The following METTL22 variants were observed in gnomAD, a reference collection of about 807,000 sequenced individuals.
The protein encoded by METTL22 is methyltransferase 22, Kin17 lysine, also known as methyltransferase-like protein 22.
METTL22 carries 51 observed loss-of-function variants against 48.4 expected under a neutral mutation model. The ratio of observed to expected loss-of-function variants is 1.05; its 90% confidence interval spans 0.84 to 1.33. METTL22 has a LOEUF of 1.33. METTL22 is among the 40% of genes most tolerant of loss of function. The probability of loss-of-function intolerance (pLI) is 0.00; values close to 1 mark genes in which losing one functional copy is unlikely to be tolerated. For synonymous variants in METTL22, 255 were observed against 214.1 expected (o/e 1.19, Z -1.67); for missense variants, 678 against 526.9 (o/e 1.29, Z -2.81).
chr16:8,644,416 C>G lies in METTL22; in HGVS notation c.1011-141C>G, dbSNP rs2056718607. The stretch of plus-strand genomic sequence containing the variant: ...TGTAGGAAGGAATTGCACTCACACA[C>G]TCAGCATGAGACAGGCGCTCAGTAA... On this transcript the variant is annotated intron_variant, in intron 9 of 10. Transcript: ENST00000381920. The G allele has an allele frequency of 7.7e-6, 6 of 784,264 alleles. No individual in the cohort carries two copies. The East Asian group carries it at 1.4e-4, about 18-fold the overall frequency. The allele number at this position is 784,264 out of a possible 1,614,324, so 48.6% of individuals were successfully genotyped here.
At chr16:8,637,312 C>T (rs2056452106) in intron 5 of METTL22, among the ~76,000 whole-genome samples, 1 of 152,192 alleles carries the variant, frequency 6.6e-6, no homozygotes, top group Non-Finnish European at 1.5e-5. Flanking sequence ...TTGGCTGCTT[C>T]TTGACAATGT....
chr16:8,658,630 G>A, the METTL22 span, among the ~76,000 whole-genome samples: 4 of 152,288 alleles, frequency 2.6e-5, no homozygotes, highest in Non-Finnish European at 4.4e-5. Context: ...GATGCTGTGA[G>A]GGATCTTTGA....
Position 8,641,469 on chromosome 16 carries a change from A to G in METTL22, c.826+285A>G, listed in dbSNP as rs773981337. The G allele has an allele frequency of 5.3e-6, 3 of 561,554 alleles. No individual in the cohort carries two copies. In the East Asian group the frequency reaches 1.3e-4, roughly 23 times the overall value. The allele number at this position is 561,554 out of a possible 1,614,324, so 34.8% of individuals were successfully genotyped here. A position where few individuals can be genotyped will look rare whatever the true frequency, so the allele number is the denominator to read the frequency against. ...TTGTGAGTGCAGACTGCCCATGGGC[A>G]CAGCTGGTACACAGCAGGGTAGGGG... On this transcript the variant is annotated intron_variant, in intron 7 of 10. Transcript: ENST00000381920.
chr16:8,642,115 GTTCT>G lies in METTL22; in HGVS notation c.827-6_827-3del, dbSNP rs1440157539. ...GGCAATGGGCACAAAGTGTGCTTTTGTTCTTTCTTAGATCCCAAGGTCCCCTTCA... is the reference window on the plus strand; with the variant it reads ...GGCAATGGGCACAAAGTGTGCTTTTGTTCTTAGATCCCAAGGTCCCCTTCA... On this transcript the variant is annotated splice_polypyrimidine_tract_variant and splice_region_variant and intron_variant, in intron 7 of 10. Coordinates refer to ENST00000381920, the MANE Select transcript of METTL22 (RefSeq NM_024109.4). The G allele has an allele frequency of 1.2e-6, 2 of 1,607,636 alleles. No homozygotes were observed. The highest frequency in any genetic ancestry group is 2.2e-5 in the South Asian group (2 of 90,956).
At chr16:8,624,527 G>A (rs913101798) in intron 1 of METTL22, among the ~76,000 whole-genome samples, 10 of 151,896 alleles carry the variant, frequency 6.6e-5, no homozygotes, top group Non-Finnish European at 1.2e-4. Context: ...CTACCAGCGC[G>A]CGCCACGACA....
At chr16:8,666,041 T>A in the METTL22 span, among the ~76,000 whole-genome samples, 1 of 152,186 alleles carries the variant, frequency 6.6e-6, no homozygotes, top group Non-Finnish European at 1.5e-5. Context: ...GAAAAGCCAA[T>A]ATCTGTGCAG....
chr16:8,634,133 T>A (rs1352943179), intron 3 of METTL22, among the ~76,000 whole-genome samples: 1 of 152,222 alleles, frequency 6.6e-6, no homozygotes, highest in Non-Finnish European at 1.5e-5. Flanking sequence ...ATTAGTCACT[T>A]TATTCAGAGA....
intron 5 of METTL22, among the ~76,000 whole-genome samples, chr16:8,636,711 T>A (rs959670636): frequency 1.3e-5 from 2 of 151,786 alleles, no homozygotes; most frequent in Non-Finnish European, 2.9e-5. Flanking sequence ...TGTCTAATAA[T>A]CTGTCACCTA....
chr16:8,657,833 T>TTTTTTTTTTTTTTTTTTTTA, the METTL22 span, among the ~76,000 whole-genome samples: 1 of 150,804 alleles, frequency 6.6e-6, no homozygotes, highest in African/African-American at 2.5e-5. Flanking sequence ...TCTTTTTTTT[T>TTTTTTTTTTTTTTTTTTTTA]TGAGACAAGG....
At chr16:8,655,377 C>A in the METTL22 span, among the ~76,000 whole-genome samples, 1 of 152,204 alleles carries the variant, frequency 6.6e-6, no homozygotes, top group African/African-American at 2.4e-5. Flanking sequence ...TGGCTGCTGA[C>A]CACAGACTTC....
chr16:8,643,305 T>C (rs562118439), intron 9 of METTL22, among the ~76,000 whole-genome samples: 54 of 152,328 alleles, frequency 3.5e-4, no homozygotes, highest in African/African-American at 1.3e-3. Context: ...CACTGAGCAA[T>C]AGCAATGTAC....
At chr16:8,653,452 G>A (rs1444507743), downstream of METTL22, among the ~76,000 whole-genome samples, 1 of 152,206 alleles carries the variant, frequency 6.6e-6, no homozygotes, top group Admixed American at 6.5e-5. Flanking sequence ...GGCATTCAGT[G>A]ATGACTTCTG....
chr16:8,664,068 C>T, the METTL22 span, among the ~76,000 whole-genome samples: 9 of 151,392 alleles, frequency 5.9e-5, no homozygotes, highest in South Asian at 2.1e-4. Flanking sequence ...TTTCCTTACA[C>T]TTGTGCATTC....
the METTL22 span, among the ~76,000 whole-genome samples, chr16:8,654,820 G>A: frequency 6.6e-6 from 1 of 152,214 alleles, no homozygotes; most frequent in Non-Finnish European, 1.5e-5. Flanking sequence ...TGGTTCCCCA[G>A]TGGGAAATTT....
the METTL22 span, among the ~76,000 whole-genome samples, chr16:8,665,970 T>G: frequency 0.52 from 79,714 of 152,106 alleles, 22,773 homozygotes; most frequent in East Asian, 0.84. Flanking sequence ...GCACAGACTA[T>G]GATAGCCCAG....
chr16:8,635,412 TA>T, intron 5 of METTL22, 100 bp downstream of exon 5: 1 of 1,406,498 alleles, frequency 7.1e-7, no homozygotes, highest in Admixed American at 2.7e-5. Flanking sequence ...AATTGGATGT[TA>T]GCTGTTGTTG....
At chr16:8,657,820 C>CTTTTTTATTTTTTTT in the METTL22 span, among the ~76,000 whole-genome samples, 1 of 137,294 alleles carries the variant, frequency 7.3e-6, no homozygotes, top group African/African-American at 3.0e-5. Flanking sequence ...CTTTTCTTTT[C>CTTTTTTATTTTTTTT]TTTCTTTTTT....
At chr16:8,662,586 A>G in the METTL22 span, among the ~76,000 whole-genome samples, 4 of 144,410 alleles carry the variant, frequency 2.8e-5, 1 homozygote, top group Admixed American at 2.1e-4. Flanking sequence ...AGTGGGATGC[A>G]TGGACTGGTG....
In METTL22 at chr16:8,646,472, C is replaced by T. The variant is rs369889581; in HGVS notation, c.*329C>T. 13 of 574,736 alleles carry T rather than the reference C, an allele frequency of 2.3e-5. No homozygotes were observed. The highest frequency in any genetic ancestry group is 5.5e-5 in the African/African-American group (3 of 54,360). The allele number at this position is 574,736 out of a possible 1,614,324, so 35.6% of individuals were successfully genotyped here. A position where few individuals can be genotyped will look rare whatever the true frequency, so the allele number is the denominator to read the frequency against. On this transcript the variant is annotated 3_prime_UTR_variant, in exon 11 of 11. Coordinates refer to ENST00000381920, the MANE Select transcript of METTL22 (RefSeq NM_024109.4). ...CAGCTGTGTGCTTTACTTGCGGTTGCGGCCCTGGCTGTGAGGTGGATTCTT... is the reference window on the plus strand; with the variant it reads ...CAGCTGTGTGCTTTACTTGCGGTTGTGGCCCTGGCTGTGAGGTGGATTCTT...
Sources: allele counts gnomAD v4.1 joint callset (sites outside exome capture counted in the v4.1 genomes callset), GRCh38; gene constraint gnomAD v4.1.1; transcripts MANE v1.5; gene names NCBI Gene and HGNC (gene_info 2026-07-23, HGNC 2026-07-21).